Variants in PJA2 observed in about 807,000 individuals in gnomAD.
PJA2 encodes the protein E3 ubiquitin-protein ligase Praja-2.
In PJA2, 25 loss-of-function variants were observed where a neutral mutation model predicts 69.3. The ratio of observed to expected loss-of-function variants is 0.36; its 90% CI spans 0.26 to 0.50. PJA2 has a LOEUF of 0.50. Among genes scored for constraint, PJA2 ranks in the 20% least tolerant of loss-of-function variants. The pLI is 0.96. For synonymous variants in PJA2, 308 were observed against 277.8 expected (o/e 1.11, Z -1.08); for missense variants, 809 against 830.2 (o/e 0.97, Z 0.31).
intron 9 of PJA2, among the ~76,000 whole-genome samples, chr5:109,343,475 C>A (rs1453893446): frequency 6.6e-6 from 1 of 151,626 alleles, no homozygotes; most frequent in Admixed American, 6.6e-5. Context: ...GAAACACCAA[C>A]CTGTATTAGC....
At chr5:109,392,852 T>C (rs1037825841) in intron 1 of PJA2, among the ~76,000 whole-genome samples, 1 of 152,058 alleles carries the variant, frequency 6.6e-6, no homozygotes, top group Non-Finnish European at 1.5e-5. Context: ...AATGCAAAAC[T>C]CAATTCCAAA....
intron 9 of PJA2, among the ~76,000 whole-genome samples, chr5:109,341,843 C>T (rs1389168156): frequency 9.1e-6 from 1 of 109,334 alleles, no homozygotes; most frequent in Admixed American, 8.5e-5. Flanking sequence ...CAGCCCCCCG[C>T]CTGGCCAGCC....
chr5:109,375,996 A>AT, intron 4 of PJA2, among the ~76,000 whole-genome samples: 1 of 152,320 alleles, frequency 6.6e-6, no homozygotes, highest in Admixed American at 6.5e-5. Context: ...ATCGTAAAAC[A>AT]TATCTTAAGG....
intron 1 of PJA2, among the ~76,000 whole-genome samples, chr5:109,397,402 G>A (rs904591735): frequency 2.0e-5 from 3 of 151,924 alleles, no homozygotes; most frequent in African/African-American, 7.3e-5. Flanking sequence ...ACAGGGTATA[G>A]AAAGCTGGAG....
intron 4 of PJA2, 100 bp from the exon 5 acceptor site, chr5:109,368,846 A>C (rs1324460276): frequency 2.4e-6 from 3 of 1,246,342 alleles, no homozygotes; most frequent in Admixed American, 2.7e-5. Flanking sequence ...TGTCCCCACC[A>C]AATCTCATGT....
intron 5 of PJA2, among the ~76,000 whole-genome samples, chr5:109,363,822 G>T (rs1384599452): frequency 6.6e-6 from 1 of 152,044 alleles, no homozygotes; most frequent in Admixed American, 6.6e-5. Flanking sequence ...AAATAAGGAG[G>T]AGATAAAGGA....
At chr5:109,338,353 T>C (rs751964340) in intron 9 of PJA2, among the ~76,000 whole-genome samples, 1 of 152,066 alleles carries the variant, frequency 6.6e-6, no homozygotes, top group African/African-American at 2.4e-5. Flanking sequence ...TAAGAATCCA[T>C]TTCAGGCCAG....
rs1761949016 is a variant in PJA2 at position 109,336,581 on chromosome 5, A to G, written c.*650T>C. On this transcript the variant is annotated 3_prime_UTR_variant, in exon 10 of 10. Transcript: ENST00000361189. ...TACTAACCTTACGTTAAGCACATCC[A>G]CTGGTTTCATTAAGGATTTTACTAC... The G allele has an allele frequency of 6.6e-6, 1 of 152,140 alleles. No individual in the cohort carries two copies. Among genetic ancestry groups the G allele is most frequent in the Non-Finnish European group, 1.5e-5 (1 of 68,066 alleles). The allele number at this position is 152,140 out of a possible 1,614,324, so 9.4% of individuals were successfully genotyped here. A position where few individuals can be genotyped will look rare whatever the true frequency, so the allele number is the denominator to read the frequency against.
chr5:109,338,079 G>A (rs140865243), intron 9 of PJA2, among the ~76,000 whole-genome samples: 5 of 152,180 alleles, frequency 3.3e-5, no homozygotes, highest in South Asian at 2.1e-4. Flanking sequence ...ATAGAGCTAC[G>A]TTATCTGATA....
intron 7 of PJA2, among the ~76,000 whole-genome samples, chr5:109,349,922 C>A (rs1399890443): frequency 6.6e-6 from 1 of 152,156 alleles, no homozygotes; most frequent in African/African-American, 2.4e-5. Flanking sequence ...CTTTCCTTCT[C>A]ACATAGCTAT....
chr5:109,391,140 T>C (rs996370207), intron 1 of PJA2, among the ~76,000 whole-genome samples: 5 of 152,192 alleles, frequency 3.3e-5, no homozygotes, highest in Admixed American at 2.0e-4. Context: ...GCACTGTCTG[T>C]AGTTCTTTTA....
In PJA2 at chr5:109,379,267, C is replaced by A; in HGVS notation, c.233-13G>T. 6.5e-7 allele frequency: 1 copy of A among 1,535,816 alleles called. No individual in the cohort carries two copies. Among genetic ancestry groups the A allele is most frequent in the Non-Finnish European group, 8.8e-7 (1 of 1,137,502 alleles). On this transcript the variant is annotated splice_polypyrimidine_tract_variant and intron_variant, in intron 3 of 9. Coordinates refer to ENST00000361189, the MANE Select transcript of PJA2 (RefSeq NM_014819.5). Reference sequence around the variant, plus strand: ...AAAGGACTGGAACCTTCATAAAAAACAAAAGAAAACATATTTTAAAGGATT... The same window carrying A: ...AAAGGACTGGAACCTTCATAAAAAAAAAAAGAAAACATATTTTAAAGGATT...
chr5:109,337,444 C>T, intron 9 of PJA2, 88 bp from the exon 10 acceptor site: 17 of 1,407,386 alleles, frequency 1.2e-5, no homozygotes, highest in Non-Finnish European at 1.6e-5. Flanking sequence ...TGTCATTATC[C>T]TAATAATAAG....
At chr5:109,404,114 C>A (rs1464600140) in intron 1 of PJA2, among the ~76,000 whole-genome samples, 2 of 151,868 alleles carry the variant, frequency 1.3e-5, no homozygotes, top group Non-Finnish European at 2.9e-5. Flanking sequence ...AACCTCTCAG[C>A]AATCCAAGAA....
chr5:109,374,486 A>G (rs1410461373), intron 4 of PJA2, among the ~76,000 whole-genome samples: 1 of 151,566 alleles, frequency 6.6e-6, no homozygotes, highest in African/African-American at 2.4e-5. Context: ...ACAATAATAA[A>G]TACGTATATT....
intron 9 of PJA2, among the ~76,000 whole-genome samples, chr5:109,342,712 G>GC (rs1277529241): frequency 1.5e-5 from 2 of 133,926 alleles, no homozygotes; most frequent in African/African-American, 6.1e-5. Flanking sequence ...GGGGGAGTCA[G>GC]CCCCCCCGCC....
At chr5:109,395,531 G>T (rs1161198581) in intron 1 of PJA2, among the ~76,000 whole-genome samples, 3 of 152,016 alleles carry the variant, frequency 2.0e-5, no homozygotes, top group Non-Finnish European at 2.9e-5. Context: ...TGACTTCGGG[G>T]GAGGGAATAA....
At position 109,409,956 on chromosome 5, in the gene PJA2, T is replaced by C. The variant is rs894142953; in HGVS notation, c.-202A>G. 7.6e-5 allele frequency: 16 copies of C among 210,914 alleles called. No individual in the cohort carries two copies. The highest frequency in any genetic ancestry group is 1.2e-4 in the Non-Finnish European group (13 of 106,650). 13.1% of individuals were successfully genotyped at this position (210,914 alleles called of 1,614,324 possible). ...CCGAACGCGAAGCGGCTGGCGGCTG[T>C]GGCGGCGGCGGCGGCGGTGGCGGCG... On this transcript the variant is annotated 5_prime_UTR_variant, in exon 1 of 10. Coordinates refer to ENST00000361189, the MANE Select transcript of PJA2 (RefSeq NM_014819.5).
rs75006458 is a variant in PJA2, at chr5:109,404,914, G to A, written c.-88+4928C>T. ...GAGAAGGATATCTGCTTTCACCACTGCTATTCAACATCATAATGGAGGTCT... is the reference window on the plus strand; with the variant it reads ...GAGAAGGATATCTGCTTTCACCACTACTATTCAACATCATAATGGAGGTCT... On this transcript the variant is annotated intron_variant, in intron 1 of 9. Transcript: ENST00000361189. Among the ~76,000 whole-genome samples, 1,160 of 152,274 alleles carry A rather than the reference G, an allele frequency of 7.6e-3. 13 individuals carry two copies. The highest frequency in any genetic ancestry group is 0.026 in the African/African-American group (1,085 of 41,544).
Sources: gnomAD v4.1 joint callset for allele counts (sites outside exome capture counted in the v4.1 genomes callset) on GRCh38, gnomAD v4.1.1 for gene constraint, MANE v1.5 for transcripts, NCBI Gene and HGNC (gene_info 2026-07-23, HGNC 2026-07-21) for gene names.